Variants in MTMR3 observed in about 807,000 individuals in gnomAD.
MTMR3 encodes the protein myotubularin related protein 3, also known as phosphatidylinositol-3,5-bisphosphate 3-phosphatase MTMR3.
Under a neutral mutation model 132.4 loss-of-function variants are expected in MTMR3, and 32 were observed. The ratio of observed to expected loss-of-function variants is 0.24; its 90% CI spans 0.18 to 0.32. MTMR3 has a LOEUF of 0.32. Ranked by LOEUF, MTMR3 falls within the 10% of genes least tolerant of loss-of-function variation. MTMR3 has a pLI of 1.00. For synonymous variants in MTMR3, 556 were observed against 550.3 expected (o/e 1.01, Z -0.14); for missense variants, 1,216 against 1,489.6 (o/e 0.82, Z 3.02).
At chr22:29,949,135 ACACACACACCCCCC>A (rs1569019644) in intron 1 of MTMR3, among the ~76,000 whole-genome samples, 21 of 31,232 alleles carry the variant, frequency 6.7e-4, no homozygotes, top group African/African-American at 2.2e-3. Flanking sequence ...ACACACACAC[ACACACACACCCCCC>A]CCCCCCCCCC....
chr22:29,934,223 G>A (rs571443228), intron 1 of MTMR3, among the ~76,000 whole-genome samples: 1 of 152,122 alleles, frequency 6.6e-6, no homozygotes, highest in African/African-American at 2.4e-5. Context: ...GCATTGTGGC[G>A]GGCACCTGTA....
intron 1 of MTMR3, among the ~76,000 whole-genome samples, chr22:29,911,420 G>T (rs761343789): frequency 6.6e-6 from 1 of 152,092 alleles, no homozygotes; most frequent in Non-Finnish European, 1.5e-5. Context: ...GCACACGCCT[G>T]TGGTCCCAAC....
chr22:29,947,732 T>C (rs1463426838), intron 1 of MTMR3, among the ~76,000 whole-genome samples: 1 of 152,194 alleles, frequency 6.6e-6, no homozygotes, highest in Non-Finnish European at 1.5e-5. Context: ...AATTCTACTT[T>C]TTGGCTTTAG....
At chr22:29,968,895 C>T (rs1407002755) in intron 2 of MTMR3, among the ~76,000 whole-genome samples, 2 of 152,216 alleles carry the variant, frequency 1.3e-5, no homozygotes, top group Non-Finnish European at 2.9e-5. Context: ...ATGACTCCAA[C>T]TTGGTCTGTT....
At position 29,982,513 on chromosome 22, in the gene MTMR3, A is replaced by C. The variant is rs12158726; in HGVS notation, c.210+3461A>C. On this transcript the variant is annotated intron_variant, in intron 5 of 19. Coordinates refer to ENST00000401950, the MANE Select transcript of MTMR3 (RefSeq NM_021090.4). ...CTTTAAATGTTATTTTATCTATATC[A>C]AACACATTTAAACCATCAAAGCCCA... is the stretch of plus-strand genomic sequence containing the variant. 8.0e-4 allele frequency: 122 copies of C among 152,300 alleles called. 1 individual carries two copies. Among genetic ancestry groups the C allele is most frequent in the African/African-American group, 2.9e-3 (119 of 41,564 alleles). 9.4% of individuals were successfully genotyped at this position (152,300 alleles called of 1,614,324 possible).
chr22:29,947,494 T>C (rs2065975348), intron 1 of MTMR3, among the ~76,000 whole-genome samples: 2 of 139,514 alleles, frequency 1.4e-5, no homozygotes, highest in South Asian at 4.7e-4. Flanking sequence ...TTAGCCAGTA[T>C]GCTAAATTAA....
chr22:30,011,146 C>T (rs2067410675), intron 12 of MTMR3: 1 of 152,156 alleles, frequency 6.6e-6, no homozygotes, highest in South Asian at 2.1e-4. Flanking sequence ...TACAGCCTTC[C>T]CACAGTCCCC....
chr22:29,971,501 C>T (rs737905), intron 3 of MTMR3, among the ~76,000 whole-genome samples: 15,901 of 152,038 alleles, frequency 0.1, 861 homozygotes, highest in Middle Eastern at 0.14. Flanking sequence ...ATATTGTGTA[C>T]AGCATAATGT....
chr22:29,955,997 CCACCTTGGCCTCCCAAA>C (rs2066182233), intron 1 of MTMR3, among the ~76,000 whole-genome samples: 1 of 152,086 alleles, frequency 6.6e-6, no homozygotes, highest in Non-Finnish European at 1.5e-5. Flanking sequence ...GGTGATCCAC[CCACCTTGGCCTCCCAAA>C]GTGCTGGGAT....
At chr22:29,988,182 T>C (rs1422894942) in intron 5 of MTMR3, 1 of 205,220 alleles carries the variant, frequency 4.9e-6, no homozygotes, top group African/African-American at 2.3e-5. Context: ...AAAGTAGTAC[T>C]CTGATCTTGT....
In MTMR3 at chr22:30,003,012, G is replaced by A; in HGVS notation, c.671+19G>A. Reference sequence around the variant, plus strand: ...TCTACAGGTAAGTTAAACTGGACCAGTCCCAGCTTGGGCTGGTGCTGCTGC... The same window carrying A: ...TCTACAGGTAAGTTAAACTGGACCAATCCCAGCTTGGGCTGGTGCTGCTGC... On this transcript the variant is annotated intron_variant, in intron 9 of 19. Transcript: ENST00000401950. 5 of 1,594,110 alleles carry A rather than the reference G, an allele frequency of 3.1e-6. No individual in the cohort carries two copies. Among genetic ancestry groups the A allele is most frequent in the Non-Finnish European group, 4.3e-6 (5 of 1,161,926 alleles).
At chr22:30,009,389 CA>C (rs2067353139) in intron 12 of MTMR3, 1 of 405,252 alleles carries the variant, frequency 2.5e-6, no homozygotes, top group Admixed American at 4.1e-5. Context: ...GAAGAAATCT[CA>C]GCATCAAAAC....
At chr22:29,900,062 A>G (rs979151953) in intron 1 of MTMR3, among the ~76,000 whole-genome samples, 1 of 152,210 alleles carries the variant, frequency 6.6e-6, no homozygotes, top group African/African-American at 2.4e-5. Context: ...TTATGATATA[A>G]AACAAACATA....
In MTMR3 at chr22:30,007,325, G is replaced by T. The variant is rs1456436033; in HGVS notation, c.877+6G>T. On this transcript the variant is annotated splice_donor_region_variant and intron_variant, in intron 10 of 19. Coordinates refer to ENST00000401950, the MANE Select transcript of MTMR3 (RefSeq NM_021090.4). ...CCTTTCTGACGTGGAGTTCGGTAAG[G>T]TGCTCCCTGGACCCATGGCAATGAT... 6.2e-7 allele frequency: 1 copy of T among 1,613,736 alleles called. No individual in the cohort carries two copies.
intron 2 of MTMR3, among the ~76,000 whole-genome samples, chr22:29,958,953 G>A (rs575565043): frequency 4.6e-4 from 70 of 152,118 alleles, no homozygotes; most frequent in Middle Eastern, 3.2e-3. Flanking sequence ...TTAGGTTACT[G>A]TTTTTTCCCC....
chr22:29,905,964 A>G (rs1324492105), intron 1 of MTMR3, among the ~76,000 whole-genome samples: 1 of 152,194 alleles, frequency 6.6e-6, no homozygotes, highest in Non-Finnish European at 1.5e-5. Flanking sequence ...ACAAATGTCA[A>G]ACAAGTTCTG....
intron 2 of MTMR3, among the ~76,000 whole-genome samples, chr22:29,960,276 G>A (rs1288508574): frequency 6.6e-6 from 1 of 152,088 alleles, no homozygotes; most frequent in Non-Finnish European, 1.5e-5. Flanking sequence ...GATATGATTG[G>A]ATTCATTGAC....
intron 1 of MTMR3, among the ~76,000 whole-genome samples, chr22:29,891,551 C>A (rs910383883): frequency 6.6e-6 from 1 of 151,990 alleles, no homozygotes; most frequent in Non-Finnish European, 1.5e-5. Flanking sequence ...TGCGCCTCAG[C>A]CACTTGAGTA....
intron 8 of MTMR3, chr22:30,000,929 T>C (rs749720341): frequency 7.2e-5 from 11 of 152,024 alleles, no homozygotes; most frequent in Non-Finnish European, 1.6e-4. Context: ...TTTAGAAAAT[T>C]AGATCAAGTA....
Sources: allele counts gnomAD v4.1 joint callset (sites outside exome capture counted in the v4.1 genomes callset), GRCh38; gene constraint gnomAD v4.1.1; transcripts MANE v1.5; gene names NCBI Gene and HGNC (gene_info 2026-07-23, HGNC 2026-07-21).